The following KCNIP3 variants were observed in gnomAD, a reference collection of about 807,000 sequenced individuals.
KCNIP3 encodes the protein calsenilin.
Under a neutral mutation model 35.0 loss-of-function variants are expected in KCNIP3, and 28 were observed. The observed-to-expected ratio is 0.80, with a 90% CI of 0.59 to 1.10. The LOEUF (loss-of-function observed/expected upper bound fraction) is 1.10, where lower values mean the gene tolerates loss of function less well. Ranked by LOEUF, KCNIP3 falls within the 50% of genes least tolerant of loss-of-function variation. The probability of loss-of-function intolerance (pLI) is 0.00; values close to 1 mark genes in which losing one functional copy is unlikely to be tolerated. For synonymous variants in KCNIP3, 134 were observed against 133.8 expected (o/e 1.00, Z -0.01); for missense variants, 295 against 338.4 (o/e 0.87, Z 1.01).
chr2:95,375,197 A>G lies in KCNIP3; in HGVS notation c.436A>G (p.Ile146Val), dbSNP rs779899632. The G allele has an allele frequency of 6.8e-6, 11 of 1,614,118 alleles. No homozygotes were observed. The highest frequency in any genetic ancestry group is 1.6e-4 in the Middle Eastern group (1 of 6,062). The change falls in exon 5 of 9, where the codon ATC becomes GTC. Residue 146 changes from isoleucine (I) to valine (V), a missense_variant. Transcript: ENST00000295225. ...CTTTGATGCGGACGGGAACGGGGCCATCCACTTTGAGGTAGGTCCTCGCGG... is the reference window on the plus strand; with the variant it reads ...CTTTGATGCGGACGGGAACGGGGCCGTCCACTTTGAGGTAGGTCCTCGCGG... ...NAFDADGNGA[I>V]HFEDFVVGLS...
Position 95,378,472 on chromosome 2 carries a change from C to G in KCNIP3, c.448-3124C>G, listed in dbSNP as rs553549069. 6.6e-6 allele frequency among the ~76,000 whole-genome samples: 1 copy of G among 151,780 alleles called. No homozygotes were observed. The highest frequency in any genetic ancestry group is 2.4e-5 in the African/African-American group (1 of 41,318). ...TTCATTGGCCGGGCTCGGTGGCTCA[C>G]GCCTGCAATCCCAGCACTTTGAGAG... On this transcript the variant is annotated intron_variant, in intron 5 of 8. Transcript: ENST00000295225. This position sits in a 1 kb window ranked among gnomAD's most constrained non-coding sequence, Gnocchi z 4.0.
At chr2:95,355,539 C>A (rs1409497706) in intron 2 of KCNIP3, among the ~76,000 whole-genome samples, 2 of 152,096 alleles carry the variant, frequency 1.3e-5, no homozygotes, top group African/African-American at 4.8e-5. Context: ...TGTTCCCCGC[C>A]CTGTGTCCAA....
intron 2 of KCNIP3, among the ~76,000 whole-genome samples, chr2:95,359,368 AGGGGGT>A: frequency 6.6e-6 from 1 of 152,204 alleles, no homozygotes; most frequent in Non-Finnish European, 1.5e-5. Flanking sequence ...GCAAGAAAAA[AGGGGGT>A]AACTGGTCCC....
At chr2:95,325,372 C>G (rs112023775) in intron 2 of KCNIP3, among the ~76,000 whole-genome samples, 1 of 152,142 alleles carries the variant, frequency 6.6e-6, no homozygotes, top group Non-Finnish European at 1.5e-5. Flanking sequence ...AACCTGTGCC[C>G]GCCTCTGAGC....
At chr2:95,318,695 G>A (rs1678518079) in intron 2 of KCNIP3, among the ~76,000 whole-genome samples, 1 of 151,978 alleles carries the variant, frequency 6.6e-6, no homozygotes, top group African/African-American at 2.4e-5. Flanking sequence ...GCCCTGCATG[G>A]GGGGACCTGG....
rs1367072490 is a variant in KCNIP3, at chr2:95,374,292, C to T, written c.182-4C>T. On this transcript the variant is annotated splice_region_variant and splice_polypyrimidine_tract_variant and intron_variant, in intron 2 of 8. Coordinates refer to ENST00000295225, the MANE Select transcript of KCNIP3 (RefSeq NM_013434.5). ...TACACTCTCTGGTCTGTGTCCCACT[C>T]CAGATAGCAGCGACAGTGAGCTGGA... The T allele has an allele frequency of 1.2e-6, 2 of 1,613,526 alleles. No homozygotes were observed. Among genetic ancestry groups the T allele is most frequent in the Admixed American group, 3.3e-5 (2 of 60,008 alleles).
At chr2:95,373,339 T>C (rs1456785797) in intron 2 of KCNIP3, among the ~76,000 whole-genome samples, 1 of 148,910 alleles carries the variant, frequency 6.7e-6, no homozygotes, top group Admixed American at 6.7e-5. Context: ...TTTAAAATCA[T>C]AAATAAAAAA....
chr2:95,383,086 C>T, intron 7 of KCNIP3, 146 bp from the exon 8 acceptor site: 3 of 717,338 alleles, frequency 4.2e-6, no homozygotes, highest in Non-Finnish European at 7.3e-6. Context: ...AGAGTAGTCA[C>T]AGGGGACAAG....
intron 1 of KCNIP3, among the ~76,000 whole-genome samples, chr2:95,300,243 G>A (rs946229394): frequency 3.3e-5 from 5 of 152,152 alleles, no homozygotes; most frequent in Non-Finnish European, 5.9e-5. Flanking sequence ...CGTTAGCCAC[G>A]TGACCTGGAG....
rs1274550029 is a variant in KCNIP3 at position 95,382,061 on chromosome 2, G to T, written c.556-316G>T. Among the ~76,000 whole-genome samples, 1 of 152,246 alleles carries T rather than the reference G, an allele frequency of 6.6e-6. No homozygotes were observed. The highest frequency in any genetic ancestry group is 1.5e-5 in the Non-Finnish European group (1 of 68,040). ...GGCAGTGCGGTCCCTTAAGGCATGGGTGGAGAGGGGAGCCCTCGCACATGG... is the reference window on the plus strand; with the variant it reads ...GGCAGTGCGGTCCCTTAAGGCATGGTTGGAGAGGGGAGCCCTCGCACATGG... On this transcript the variant is annotated intron_variant, in intron 6 of 8. Transcript: ENST00000295225. The surrounding 1 kb of genome is among the most constrained non-coding windows in gnomAD (Gnocchi z 4.5).
At chr2:95,339,893 T>C (rs1220614575) in intron 2 of KCNIP3, among the ~76,000 whole-genome samples, 1 of 152,202 alleles carries the variant, frequency 6.6e-6, no homozygotes, top group East Asian at 1.9e-4. Flanking sequence ...CATGCAGCCA[T>C]TCAGGCACCC....
chr2:95,366,792 C>T (rs1679929260), intron 2 of KCNIP3, among the ~76,000 whole-genome samples: 1 of 152,250 alleles, frequency 6.6e-6, no homozygotes, highest in Non-Finnish European at 1.5e-5. Context: ...GATGCTAATC[C>T]TCTTTCTTGT....
intron 1 of KCNIP3, among the ~76,000 whole-genome samples, chr2:95,304,787 A>G (rs1481688415): frequency 1.3e-5 from 2 of 152,174 alleles, no homozygotes; most frequent in African/African-American, 4.8e-5. Flanking sequence ...GGCATCACCC[A>G]CGCCATCTTT....
chr2:95,321,234 G>A (rs1032946007), intron 2 of KCNIP3, among the ~76,000 whole-genome samples: 10 of 152,210 alleles, frequency 6.6e-5, no homozygotes, highest in Non-Finnish European at 1.3e-4. Flanking sequence ...GCACCTTAGT[G>A]TGGCCTGCAG....
intron 2 of KCNIP3, 46 bp downstream of exon 2, chr2:95,310,566 C>A (rs768103630): frequency 1.2e-6 from 2 of 1,606,746 alleles, no homozygotes; most frequent in South Asian, 2.2e-5. Flanking sequence ...GTGGGGAGAT[C>A]TGTTCTGAGC....
intron 2 of KCNIP3, among the ~76,000 whole-genome samples, chr2:95,329,066 C>A (rs1287122590): frequency 1.3e-5 from 2 of 152,204 alleles, no homozygotes; most frequent in Non-Finnish European, 2.9e-5. Flanking sequence ...GTCACCATGC[C>A]TCTCTTGGCC....
At chr2:95,310,564 A>T (rs1419406351) in intron 2 of KCNIP3, 44 bp downstream of exon 2, 10 of 1,607,462 alleles carry the variant, frequency 6.2e-6, no homozygotes, top group African/African-American at 1.3e-5. Context: ...GGGTGGGGAG[A>T]TCTGTTCTGA....
chr2:95,383,958 A>C lies in KCNIP3; in HGVS notation c.724-44A>C, dbSNP rs752447638. 3 of 1,585,448 alleles carry C rather than the reference A, an allele frequency of 1.9e-6. No homozygotes were observed. In the South Asian group the frequency reaches 3.3e-5, roughly 18 times the overall value. On this transcript the variant is annotated intron_variant, in intron 8 of 8. Transcript: ENST00000295225. ...ATCTGCTCAAGGGGGTCGGATTTGG[A>C]GCCCACCCAGCACCTGAAGGCCTCC...
intron 1 of KCNIP3, among the ~76,000 whole-genome samples, chr2:95,297,759 T>C (rs1653314653): frequency 6.6e-6 from 1 of 152,080 alleles, no homozygotes; most frequent in Non-Finnish European, 1.5e-5. Flanking sequence ...GAAGAAAAGC[T>C]GGACAGAGGA....
Sources: gnomAD v4.1 joint callset for allele counts (sites outside exome capture counted in the v4.1 genomes callset) on GRCh38, gnomAD v4.1.1 for gene constraint, Gnocchi (gnomAD v3.1) non-coding constraint, MANE v1.5 for transcripts, NCBI Gene and HGNC (gene_info 2026-07-23, HGNC 2026-07-21) for gene names.